The following IBTK variants were observed in gnomAD, a reference collection of about 807,000 sequenced individuals.
IBTK encodes BTK-binding protein.
A neutral mutation model predicts 154.9 loss-of-function variants in IBTK; 83 were observed. That is an observed-to-expected ratio of 0.54 (90% confidence interval 0.45 to 0.64). The LOEUF (loss-of-function observed/expected upper bound fraction) is 0.64. Among genes scored for constraint, IBTK ranks in the 30% least tolerant of loss-of-function variants. The pLI is 0.00. For missense variants in IBTK, 1,332 were observed against 1,584.6 expected (o/e 0.84, Z 2.71); for synonymous variants, 515 against 536.1 (o/e 0.96, Z 0.54).
intron 25 of IBTK, among the ~76,000 whole-genome samples, chr6:82,183,347 T>G (rs1238698555): frequency 1.3e-5 from 2 of 151,866 alleles, no homozygotes; most frequent in Non-Finnish European, 2.9e-5. Flanking sequence ...GAGTCAGAGG[T>G]TGCAGTGAGC....
chr6:82,212,895 A>T, intron 12 of IBTK, 102 bp from the exon 13 acceptor site: 1 of 661,558 alleles, frequency 1.5e-6, no homozygotes, highest in South Asian at 1.8e-5. Flanking sequence ...ATAATACTGT[A>T]TCCTAGAAAA....
At chr6:82,203,049 G>T (rs751505572) in intron 17 of IBTK, among the ~76,000 whole-genome samples, 8 of 151,466 alleles carry the variant, frequency 5.3e-5, no homozygotes, top group Non-Finnish European at 1.0e-4. Flanking sequence ...AACTAAAAAA[G>T]ATATAAAACT....
rs188112885 is a variant in IBTK, at chr6:82,171,256, T to G, written c.*169A>C. Reference sequence around the variant, plus strand: ...TACTAAAATCACAATTCTGAGAAATTTATTTTTAATCATACAAACATTATA... The same window carrying G: ...TACTAAAATCACAATTCTGAGAAATGTATTTTTAATCATACAAACATTATA... On this transcript the variant is annotated 3_prime_UTR_variant, in exon 29 of 29. Transcript: ENST00000306270. 245 of 442,862 alleles carry G rather than the reference T, an allele frequency of 5.5e-4. 1 individual carries two copies. The highest frequency in any genetic ancestry group is 1.3e-3 in the Middle Eastern group (2 of 1,506). The allele number at this position is 442,862 out of a possible 1,614,324, so 27.4% of individuals were successfully genotyped here.
chr6:82,208,778 G>A (rs886099650), intron 16 of IBTK, among the ~76,000 whole-genome samples: 3 of 152,012 alleles, frequency 2.0e-5, no homozygotes, highest in Non-Finnish European at 2.9e-5. Context: ...TGTTTTAAAC[G>A]ACACTTCATC....
chr6:82,246,443 T>C (rs72902409), intron 1 of IBTK, among the ~76,000 whole-genome samples: 208 of 83,328 alleles, frequency 2.5e-3, no homozygotes, highest in Middle Eastern at 5.2e-3. Flanking sequence ...ACAGGCATCT[T>C]TTTTTTTTTT....
At chr6:82,194,756 CA>C in intron 22 of IBTK, 114 bp from the exon 23 acceptor site, 5 of 676,904 alleles carry the variant, frequency 7.4e-6, no homozygotes, top group Non-Finnish European at 1.1e-5. Flanking sequence ...AATCTTATGA[CA>C]ATAAGCCATC....
At position 82,240,546 on chromosome 6, in the gene IBTK, A is replaced by G. The variant is rs1770901698; in HGVS notation, c.-60T>C. ...TGAAAACTAATTTTAAAAAATGAAA[A>G]AGCCAGGACACAAAGGTGCTATTGA... is the stretch of plus-strand genomic sequence containing the variant. On this transcript the variant is annotated 5_prime_UTR_variant, in exon 2 of 29. Transcript: ENST00000306270. 2 of 1,423,942 alleles carry G rather than the reference A, an allele frequency of 1.4e-6. No homozygotes were observed. Among genetic ancestry groups the G allele is most frequent in the Non-Finnish European group, 1.9e-6 (2 of 1,045,488 alleles). The allele number at this position is 1,423,942 out of a possible 1,614,324, so 88.2% of individuals were successfully genotyped here.
In IBTK at chr6:82,231,697, T is replaced by C. The variant is rs115047222; in HGVS notation, c.543+21A>G. ...GTTCTTTCTCATCTCTAAAAGTATA[T>C]AGATTGTACTTCAAAAATACCTGCT... On this transcript the variant is annotated intron_variant, in intron 4 of 28. Coordinates refer to ENST00000306270, the MANE Select transcript of IBTK (RefSeq NM_015525.4). The C allele has an allele frequency of 5.8e-4, 910 of 1,572,670 alleles. 6 individuals carry two copies. In the African/African-American group the frequency reaches 0.011, roughly 19 times the overall value.
rs190157202 is a variant in IBTK at position 82,179,664 on chromosome 6, T to A, written c.3725+2215A>T. 2.6e-5 allele frequency among the ~76,000 whole-genome samples: 4 copies of A among 152,256 alleles called. No homozygotes were observed. In the East Asian group the frequency reaches 7.7e-4, roughly 29 times the overall value. Reference sequence around the variant, plus strand: ...TAGCCTGTACTGGTACTGTTTCAGTTTAGTAATGGGGCTGGGAGATAGAAT... The same window carrying A: ...TAGCCTGTACTGGTACTGTTTCAGTATAGTAATGGGGCTGGGAGATAGAAT... On this transcript the variant is annotated intron_variant, in intron 26 of 28. Transcript: ENST00000306270.
chr6:82,192,283 G>A (rs992061062), intron 23 of IBTK, among the ~76,000 whole-genome samples: 2 of 152,082 alleles, frequency 1.3e-5, no homozygotes, highest in African/African-American at 2.4e-5. Flanking sequence ...GTTAAATGAA[G>A]CTTGAAAATT....
At chr6:82,209,944 T>C (rs1769564427) in intron 16 of IBTK, among the ~76,000 whole-genome samples, 1 of 152,164 alleles carries the variant, frequency 6.6e-6, no homozygotes, top group Admixed American at 6.5e-5. Flanking sequence ...TCTTATACAT[T>C]TGTCTTCTCC....
At chr6:82,215,944 A>G (rs1769856332) in intron 11 of IBTK, 132 bp downstream of exon 11, 3 of 603,280 alleles carry the variant, frequency 5.0e-6, no homozygotes, top group Non-Finnish European at 8.6e-6. Flanking sequence ...ATCTGTAAAC[A>G]TGATTATGTC....
chr6:82,200,360 T>A, intron 20 of IBTK, 107 bp from the exon 21 acceptor site: 1 of 849,560 alleles, frequency 1.2e-6, no homozygotes, highest in Non-Finnish European at 1.9e-6. Flanking sequence ...TTAAAATATT[T>A]ACACTTTCAA....
chr6:82,171,699 T>C, intron 28 of IBTK, 143 bp from the exon 29 acceptor site: 3 of 709,108 alleles, frequency 4.2e-6, no homozygotes, highest in Non-Finnish European at 7.1e-6. Flanking sequence ...TCCTGCATTT[T>C]AAATCAGGTA....
At chr6:82,187,926 A>G (rs1246232659) in intron 25 of IBTK, among the ~76,000 whole-genome samples, 1 of 152,040 alleles carries the variant, frequency 6.6e-6, no homozygotes, top group Non-Finnish European at 1.5e-5. Flanking sequence ...AACCTATTAC[A>G]AATGGTGACA....
intron 25 of IBTK, among the ~76,000 whole-genome samples, chr6:82,187,043 G>A (rs961778187): frequency 1.3e-5 from 2 of 150,450 alleles, no homozygotes; most frequent in South Asian, 4.2e-4. Flanking sequence ...AGCCTCCCAA[G>A]TAGCTGGGAT....
Position 82,213,626 on chromosome 6 carries a change from A to C in IBTK, c.2204+601T>G, listed in dbSNP as rs139408482. On this transcript the variant is annotated intron_variant, in intron 12 of 28. Transcript: ENST00000306270. ...TAAAAGAAAATTGTCCCAGCCAGGA[A>C]TAGTAAAGCTAAGAGATATGTATGT... 7.2e-3 allele frequency among the ~76,000 whole-genome samples: 1,104 copies of C among 152,302 alleles called. 16 individuals are homozygous for C. The highest frequency in any genetic ancestry group is 0.024 in the African/African-American group (1,015 of 41,568).
chr6:82,202,733 T>C (rs1201130501), intron 17 of IBTK, 88 bp from the exon 18 acceptor site: 15 of 682,378 alleles, frequency 2.2e-5, no homozygotes, highest in Middle Eastern at 7.3e-4. Context: ...AGCTGTACGA[T>C]TTGAACATTT....
chr6:82,195,201 T>A (rs1178399516), intron 22 of IBTK, among the ~76,000 whole-genome samples: 2 of 152,104 alleles, frequency 1.3e-5, no homozygotes, highest in East Asian at 3.9e-4. Context: ...CCCTGAGCCT[T>A]CCTTTAAACC....
Sources: gnomAD v4.1 joint callset for allele counts (sites outside exome capture counted in the v4.1 genomes callset) on GRCh38, gnomAD v4.1.1 for gene constraint, MANE v1.5 for transcripts, NCBI Gene and HGNC (gene_info 2026-07-23, HGNC 2026-07-21) for gene names.